ADGRL3: variants seen among roughly 807,000 people sequenced by gnomAD.
ADGRL3 encodes calcium-independent alpha-latrotoxin receptor 3.
ADGRL3 carries 62 observed loss-of-function variants against 153.5 expected under a neutral mutation model. That is an observed-to-expected ratio of 0.40 (90% CI 0.33 to 0.50). The LOEUF is 0.50. ADGRL3 is among the 20% of genes least tolerant of loss of function. The pLI is 0.47. For synonymous variants in ADGRL3, 710 were observed against 672.5 expected, an observed-to-expected ratio of 1.06 and a Z score of -0.86; for missense variants, 1,641 against 1,859.4, an observed-to-expected ratio of 0.88 and a Z score of 2.16.
chr4:61,804,440 G>C (rs1202353611), intron 8 of ADGRL3, among the ~76,000 whole-genome samples: 2 of 152,082 alleles, frequency 1.3e-5, no homozygotes, highest in African/African-American at 4.8e-5. Flanking sequence ...TTCTTTATAA[G>C]AACGTTAATT....
At chr4:61,635,996 G>T (rs1185486533) in intron 5 of ADGRL3, among the ~76,000 whole-genome samples, 1 of 151,968 alleles carries the variant, frequency 6.6e-6, no homozygotes, top group East Asian at 1.9e-4. Context: ...CCTCTTAAAA[G>T]ACCTTATCTA....
At chr4:62,031,956 TACACACACACAC>T (rs146856591) in intron 23 of ADGRL3, among the ~76,000 whole-genome samples, 7 of 137,750 alleles carry the variant, frequency 5.1e-5, no homozygotes, top group South Asian at 2.3e-4. Context: ...GCATGAGTTA[TACACACACACAC>T]ACACACACAC....
intron 1 of ADGRL3, among the ~76,000 whole-genome samples, chr4:61,307,106 G>T (rs768469461): frequency 2.6e-5 from 4 of 152,120 alleles, no homozygotes; most frequent in African/African-American, 7.2e-5. Context: ...GAATTGAGGC[G>T]CATAATAAAT....
Position 61,642,245 on chromosome 4 carries a change from C to A in ADGRL3, c.474-34581C>A, listed in dbSNP as rs561500385. 9.1e-4 allele frequency among the ~76,000 whole-genome samples: 138 copies of A among 152,064 alleles called. 3 individuals are homozygous for A. The South Asian group carries it at 0.028, about 31-fold the overall frequency. ...TCTCCCATTTTGTAGGTTGCCTGTT[C>A]ACTCTGATGGCAGTTTCTTTTGCTG... On this transcript the variant is annotated intron_variant, in intron 5 of 26. Coordinates refer to ENST00000683033, the MANE Select transcript of ADGRL3 (RefSeq NM_001387552.1).
chr4:61,888,294 C>A (rs2098550899), intron 9 of ADGRL3, among the ~76,000 whole-genome samples: 1 of 152,202 alleles, frequency 6.6e-6, no homozygotes, highest in African/African-American at 2.4e-5. Flanking sequence ...ACACACAAAG[C>A]ACTTATAACA....
chr4:61,429,779 G>A (rs535221659), intron 2 of ADGRL3, among the ~76,000 whole-genome samples: 3 of 152,212 alleles, frequency 2.0e-5, no homozygotes, highest in Non-Finnish European at 2.9e-5. Context: ...ATGGGAAATA[G>A]TCATGTTAAT....
chr4:62,028,181 T>C (rs1005890272), intron 21 of ADGRL3, among the ~76,000 whole-genome samples: 1 of 151,846 alleles, frequency 6.6e-6, no homozygotes, highest in African/African-American at 2.4e-5. Flanking sequence ...CTTCACTAAT[T>C]GAGTATTAGG....
chr4:61,313,928 C>A (rs115900928), intron 1 of ADGRL3, among the ~76,000 whole-genome samples: 1 of 152,026 alleles, frequency 6.6e-6, no homozygotes, highest in Non-Finnish European at 1.5e-5. Context: ...GACTGGGAAC[C>A]TATAGACATG....
intron 8 of ADGRL3, among the ~76,000 whole-genome samples, chr4:61,796,546 A>G (rs1434801594): frequency 1.3e-5 from 2 of 152,162 alleles, no homozygotes; most frequent in East Asian, 3.9e-4. Flanking sequence ...CACTGGCTGT[A>G]TATATTATGT....
chr4:61,992,073 TA>T (rs1201658864), intron 19 of ADGRL3, among the ~76,000 whole-genome samples: 3 of 151,836 alleles, frequency 2.0e-5, no homozygotes, highest in Non-Finnish European at 2.9e-5. Context: ...ATTTCATTTA[TA>T]AAAAAGAAAT....
intron 17 of ADGRL3, among the ~76,000 whole-genome samples, chr4:61,969,023 C>T (rs1510923): frequency 0.34 from 51,576 of 151,842 alleles, 9,523 homozygotes; most frequent in East Asian, 0.61. Context: ...CATGATTCAA[C>T]GTATCATTTG....
intron 1 of ADGRL3, among the ~76,000 whole-genome samples, chr4:61,291,961 T>G (rs1447454271): frequency 6.7e-6 from 1 of 149,932 alleles, no homozygotes; most frequent in Non-Finnish European, 1.5e-5. Flanking sequence ...TTGTTGAAAG[T>G]GTCCATTTTA....
At chr4:61,452,024 T>C (rs181666257) in intron 2 of ADGRL3, among the ~76,000 whole-genome samples, 362 of 152,342 alleles carry the variant, frequency 2.4e-3, no homozygotes, top group Non-Finnish European at 3.8e-3. Flanking sequence ...TTGTGATAGA[T>C]GTTGTATTCA....
At chr4:62,003,284 G>C (rs1446977821) in intron 21 of ADGRL3, among the ~76,000 whole-genome samples, 6 of 152,112 alleles carry the variant, frequency 3.9e-5, no homozygotes, top group African/African-American at 1.4e-4. Flanking sequence ...TTATATGAGT[G>C]ATAGGTTGGC....
intron 4 of ADGRL3, among the ~76,000 whole-genome samples, chr4:61,582,855 G>A (rs1256374154): frequency 5.3e-5 from 8 of 151,852 alleles, no homozygotes; most frequent in African/African-American, 9.7e-5. Flanking sequence ...TCTTCAAGTC[G>A]TCAGTGACCA....
intron 1 of ADGRL3, among the ~76,000 whole-genome samples, chr4:61,247,354 T>C (rs1047084704): frequency 7.0e-4 from 106 of 152,072 alleles, no homozygotes; most frequent in African/African-American, 2.5e-3. Flanking sequence ...GACCAAGATA[T>C]ATGTGATAAT....
At chr4:61,995,016 G>C (rs2099116968) in intron 19 of ADGRL3, among the ~76,000 whole-genome samples, 1 of 151,202 alleles carries the variant, frequency 6.6e-6, no homozygotes, top group South Asian at 2.1e-4. Context: ...GGGTTTAGGT[G>C]ATCCTACCAC....
At chr4:61,862,555 A>C (rs1387269702) in intron 9 of ADGRL3, among the ~76,000 whole-genome samples, 1 of 152,184 alleles carries the variant, frequency 6.6e-6, no homozygotes, top group African/African-American at 2.4e-5. Context: ...ATGTTCCTTG[A>C]TATTATGTCC....
At chr4:61,561,743 T>G (rs1264806734) in intron 4 of ADGRL3, among the ~76,000 whole-genome samples, 1 of 152,098 alleles carries the variant, frequency 6.6e-6, no homozygotes, top group African/African-American at 2.4e-5. Flanking sequence ...CTCATAAAAA[T>G]GTATCATATA....
Sources: gnomAD v4.1 joint callset for allele counts (sites outside exome capture counted in the v4.1 genomes callset) on GRCh38, gnomAD v4.1.1 for gene constraint, MANE v1.5 for transcripts, NCBI Gene and HGNC (gene_info 2026-07-23, HGNC 2026-07-21) for gene names.